SNTG2: variants seen among roughly 807,000 people sequenced by gnomAD.
SNTG2 encodes the protein gamma-2-syntrophin.
In SNTG2, 74 loss-of-function variants were observed where a neutral mutation model predicts 70.9. The ratio of observed to expected loss-of-function variants is 1.04; its 90% CI spans 0.86 to 1.27. The LOEUF is 1.27. SNTG2 is among the 50% of genes most tolerant of loss of function. SNTG2 has a pLI of 0.00. For synonymous variants in SNTG2, 278 were observed against 273.8 expected (o/e 1.02, Z -0.15); for missense variants, 717 against 690.7 (o/e 1.04, Z -0.43).
intron 8 of SNTG2, among the ~76,000 whole-genome samples, chr2:1,177,464 A>C (rs1414044303): frequency 6.6e-6 from 1 of 151,582 alleles, no homozygotes; most frequent in African/African-American, 2.4e-5. Flanking sequence ...CACATCCTGC[A>C]GATGTACTCT....
chr2:1,300,076 T>C (rs1680386736), intron 14 of SNTG2, among the ~76,000 whole-genome samples: 1 of 151,170 alleles, frequency 6.6e-6, no homozygotes. Context: ...GAAGGGTGCC[T>C]TAAATGAGGG....
At chr2:1,252,373 G>A (rs528948241) in intron 12 of SNTG2, among the ~76,000 whole-genome samples, 48 of 152,240 alleles carry the variant, frequency 3.2e-4, no homozygotes, top group African/African-American at 1.0e-3. Context: ...ATTACTTAAC[G>A]TCACCTGTAA....
At chr2:1,302,540 T>TAAAAAAAA (rs34803391) in intron 14 of SNTG2, among the ~76,000 whole-genome samples, 1 of 68,208 alleles carries the variant, frequency 1.5e-5, no homozygotes, top group African/African-American at 4.4e-5. Context: ...ATTGGAATGC[T>TAAAAAAAA]AAAAAAAAAA....
intron 2 of SNTG2, among the ~76,000 whole-genome samples, chr2:1,091,421 C>T (rs549985847): frequency 2.0e-5 from 3 of 152,290 alleles, no homozygotes; most frequent in East Asian, 1.9e-4. Context: ...TCTTCAGGTT[C>T]CTCCTGTACC....
intron 4 of SNTG2, among the ~76,000 whole-genome samples, chr2:1,105,979 T>A (rs1666100018): frequency 6.6e-6 from 1 of 152,208 alleles, no homozygotes; most frequent in South Asian, 2.1e-4. Context: ...GCGCACACTG[T>A]CATTGGGGTG....
intron 9 of SNTG2, among the ~76,000 whole-genome samples, chr2:1,217,484 T>C (rs1367531232): frequency 6.6e-6 from 1 of 152,218 alleles, no homozygotes; most frequent in Non-Finnish European, 1.5e-5. Flanking sequence ...TAAGCATTCT[T>C]CCTAATGGAC....
chr2:1,235,090 TGA>T (rs1257680077), intron 9 of SNTG2, among the ~76,000 whole-genome samples: 4 of 152,170 alleles, frequency 2.6e-5, no homozygotes, highest in Admixed American at 1.3e-4. Flanking sequence ...CCCCAATTCA[TGA>T]GAGGGGGGAC....
chr2:1,007,970 G>A (rs573955734), intron 1 of SNTG2, among the ~76,000 whole-genome samples: 1 of 152,086 alleles, frequency 6.6e-6, no homozygotes, highest in African/African-American at 2.4e-5. Context: ...GGCCAGGCTG[G>A]TATTGAACTC....
chr2:1,131,489 G>C (rs138631248), intron 4 of SNTG2, among the ~76,000 whole-genome samples: 2 of 152,220 alleles, frequency 1.3e-5, no homozygotes, highest in East Asian at 1.9e-4. Context: ...TCTACAGATC[G>C]TTAAAGTGAG....
At chr2:977,242 T>C (rs1265662020) in intron 1 of SNTG2, among the ~76,000 whole-genome samples, 6 of 152,272 alleles carry the variant, frequency 3.9e-5, no homozygotes. Flanking sequence ...CAATATTATG[T>C]AAGAAACCAT....
At chr2:975,745 G>A (rs1300520239) in intron 1 of SNTG2, among the ~76,000 whole-genome samples, 1 of 152,218 alleles carries the variant, frequency 6.6e-6, no homozygotes, top group African/African-American at 2.4e-5. Context: ...TAAATTGTGA[G>A]TTTAGCTATG....
At chr2:951,948 C>G (rs1297222656) in intron 1 of SNTG2, among the ~76,000 whole-genome samples, 1 of 152,126 alleles carries the variant, frequency 6.6e-6, no homozygotes, top group East Asian at 1.9e-4. Flanking sequence ...AGTGGAGAGA[C>G]GGTTCAGAAG....
chr2:1,137,531 C>A, intron 4 of SNTG2, 91 bp from the exon 5 acceptor site: 1 of 1,402,978 alleles, frequency 7.1e-7, no homozygotes, highest in Non-Finnish European at 9.8e-7. Flanking sequence ...GCCACTTCAG[C>A]TACTGCAAGC....
intron 1 of SNTG2, among the ~76,000 whole-genome samples, chr2:1,037,565 C>G (rs1558331139): frequency 6.6e-6 from 1 of 152,144 alleles, no homozygotes; most frequent in Non-Finnish European, 1.5e-5. Context: ...GGATTTGCGA[C>G]TTCTGAGGCT....
At chr2:1,266,495 C>T (rs1678742129) in intron 13 of SNTG2, among the ~76,000 whole-genome samples, 1 of 152,168 alleles carries the variant, frequency 6.6e-6, no homozygotes, top group Non-Finnish European at 1.5e-5. Flanking sequence ...ATCATTACAT[C>T]ATTCCCTTTG....
intron 1 of SNTG2, among the ~76,000 whole-genome samples, chr2:1,083,258 A>G (rs1176157191): frequency 1.6e-5 from 1 of 60,798 alleles, no homozygotes; most frequent in Non-Finnish European, 4.0e-5. Context: ...GTTAAAAAAA[A>G]AACAAACGCC....
chr2:1,306,239 C>G (rs181195229), intron 14 of SNTG2, among the ~76,000 whole-genome samples: 356 of 152,268 alleles, frequency 2.3e-3, no homozygotes, highest in African/African-American at 7.9e-3. Flanking sequence ...GTATTTGTGA[C>G]CGCCGGCTGT....
At chr2:1,260,859 C>T (rs966311779) in intron 13 of SNTG2, among the ~76,000 whole-genome samples, 1 of 152,150 alleles carries the variant, frequency 6.6e-6, no homozygotes, top group Non-Finnish European at 1.5e-5. Flanking sequence ...CTTCTCCCCC[C>T]TCTTGTTTCA....
intron 2 of SNTG2, among the ~76,000 whole-genome samples, chr2:1,084,468 C>G (rs777779765): frequency 3.3e-5 from 5 of 152,154 alleles, no homozygotes; most frequent in Non-Finnish European, 7.3e-5. Flanking sequence ...CCCGGTCCGC[C>G]CTCCTGCTCC....
Sources: allele counts gnomAD v4.1 joint callset (sites outside exome capture counted in the v4.1 genomes callset), GRCh38; gene constraint gnomAD v4.1.1; transcripts MANE v1.5; gene names NCBI Gene and HGNC (gene_info 2026-07-23, HGNC 2026-07-21).